The following TRIM41 variants were observed in gnomAD, a reference collection of about 807,000 sequenced individuals.
The protein encoded by TRIM41 is tripartite motif containing 41, also known as E3 ubiquitin-protein ligase TRIM41.
In TRIM41, 21 loss-of-function variants were observed where a neutral mutation model predicts 60.6. The ratio of observed to expected loss-of-function variants is 0.35; its 90% CI spans 0.25 to 0.50. TRIM41 has a LOEUF of 0.50. TRIM41 is among the 20% of genes least tolerant of loss of function. The pLI is 0.98. For synonymous variants in TRIM41, 407 were observed against 344.9 expected, an observed-to-expected ratio of 1.18 and a Z score of -2.00; for missense variants, 846 against 868.3, an observed-to-expected ratio of 0.97 and a Z score of 0.32.
chr5:181,223,837 G>GTC lies in TRIM41; in HGVS notation c.-162_-161insCT. ...TTGTCGTTTGGGAGTAGGGAACACT[G>GTC]TGTTGGGGTGGGTTGTCGGCAGGAC... On this transcript the variant is annotated 5_prime_UTR_variant, in exon 1 of 6. Coordinates refer to ENST00000315073, the MANE Select transcript of TRIM41 (RefSeq NM_033549.5). 1.4e-6 allele frequency: 1 copy of GTC among 691,362 alleles called. No individual in the cohort carries two copies. Among genetic ancestry groups the GTC allele is most frequent in the Admixed American group, 2.9e-5 (1 of 34,880 alleles). 42.8% of individuals were successfully genotyped at this position (691,362 alleles called of 1,614,324 possible).
In TRIM41 at chr5:181,234,051, T is replaced by C. The variant is rs1758932194; in HGVS notation, c.1292-123T>C. 2.0e-6 allele frequency: 3 copies of C among 1,514,356 alleles called. No homozygotes were observed. The highest frequency in any genetic ancestry group is 2.3e-5 in the South Asian group (2 of 87,150). 93.8% of individuals were successfully genotyped at this position (1,514,356 alleles called of 1,614,324 possible). On this transcript the variant is annotated intron_variant, in intron 5 of 5. Transcript: ENST00000315073. The surrounding 1 kb of genome is among the most constrained non-coding windows in gnomAD (Gnocchi z 5.6). ...AGATGAGCCTGCAGGAATCTGAGGC[T>C]GGCCTCTGGGATGGTGTGGGGAGCT...
At chr5:181,232,365 G>GGAA (rs992056694) in intron 2 of TRIM41, 2 of 394,782 alleles carry the variant, frequency 5.1e-6, no homozygotes, top group African/African-American at 4.2e-5. Flanking sequence ...TGGAGAGGAG[G>GGAA]GAAGGCTTGT....
chr5:181,235,214 T>C lies in TRIM41; in HGVS notation c.*439T>C. On this transcript the variant is annotated 3_prime_UTR_variant, in exon 6 of 6. Coordinates refer to ENST00000315073, the MANE Select transcript of TRIM41 (RefSeq NM_033549.5). ...TCCCCATTCCAATTCCATTTTCTGATGCAGATTTTAGCTGAGGGATTTGGA... is the reference window on the plus strand; with the variant it reads ...TCCCCATTCCAATTCCATTTTCTGACGCAGATTTTAGCTGAGGGATTTGGA... 1 of 1,563,700 alleles carries C rather than the reference T, an allele frequency of 6.4e-7. No homozygotes were observed. The highest frequency in any genetic ancestry group is 8.7e-7 in the Non-Finnish European group (1 of 1,151,160).
At position 181,224,637 on chromosome 5, in the gene TRIM41, C is replaced by G. The variant is rs1010037736; in HGVS notation, c.638C>G (p.Pro213Arg). ...NMVQVIRQMH[P>R]TPGRGSRVTD... ...GTCCAGGTGATTCGGCAGATGCACC[C>G]AACCCCTGGTCGAGGGAGCCGCGTG... Residue 213 changes from proline (P) to arginine (R), a missense_variant, in exon 1 of 6, where the codon CCA becomes CGA. Physicochemically the swap from Pro to Arg is moderately radical, Grantham distance 103 (BLOSUM62 -2). Coordinates refer to ENST00000315073, the MANE Select transcript of TRIM41 (RefSeq NM_033549.5). The G allele has an allele frequency of 1.5e-5, 24 of 1,614,132 alleles. No individual in the cohort carries two copies. The Admixed American group carries it at 2.5e-4, about 17-fold the overall frequency.
chr5:181,234,313 G>A lies in TRIM41; in HGVS notation c.1431G>A (p.Gly477=). 1 of 1,612,268 alleles carries A rather than the reference G, an allele frequency of 6.2e-7. No homozygotes were observed. The highest frequency in any genetic ancestry group is 1.7e-4 in the Middle Eastern group (1 of 5,998). ...TCTCGGCCGACTGCTGCGTACTGGG[G>A]GCCCAGGGCTTCCGCTCCGGCCGGC... The part of the protein sequence containing the change: ...KRFSADCCVL[G]AQGFRSGRHY... Residue 477 remains glycine (G), a synonymous_variant, in exon 6 of 6, where the codon GGG becomes GGA. Coordinates refer to ENST00000315073, the MANE Select transcript of TRIM41 (RefSeq NM_033549.5). This position sits in a 1 kb window ranked among gnomAD's most constrained non-coding sequence, Gnocchi z 5.6.
At position 181,233,422 on chromosome 5, in the gene TRIM41, G is replaced by A. The variant is rs895931356; in HGVS notation, c.1150G>A (p.Glu384Lys). The change falls in exon 4 of 6, where the codon GAG becomes AAG. Residue 384 changes from glutamate to lysine, a missense_variant. Glu to Lys is a moderately conservative substitution (Grantham distance 56, BLOSUM62 1). Coordinates refer to ENST00000315073, the MANE Select transcript of TRIM41 (RefSeq NM_033549.5). This position sits in a 1 kb window ranked among gnomAD's most constrained non-coding sequence, Gnocchi z 4.1. The stretch of plus-strand genomic sequence containing the variant: ...TTTCTCTTATTCCCAGGACATCAAG[G>A]AGACTTTCAATAGGTGTGTTCCCAG... The part of the protein sequence containing the change: ...GGLRLLQDIK[E>K]TFNRCEEVQL... 5.0e-6 allele frequency: 8 copies of A among 1,613,902 alleles called. No homozygotes were observed. The South Asian group carries it at 6.6e-5, about 13-fold the overall frequency.
chr5:181,230,888 G>C (rs1221566792), intron 2 of TRIM41, 49 bp downstream of exon 2: 2 of 1,546,206 alleles, frequency 1.3e-6, no homozygotes, highest in Non-Finnish European at 1.8e-6. Context: ...GTCGAGGCAA[G>C]GAAGGTAGGG....
chr5:181,227,686 C>G (rs1053647210), intron 1 of TRIM41: 16 of 152,122 alleles, frequency 1.1e-4, no homozygotes, highest in African/African-American at 3.9e-4. Flanking sequence ...TATGTACATG[C>G]AGTAACCAGT....
Position 181,233,139 on chromosome 5 carries a change from T to C in TRIM41, c.1140+250T>C. The C allele has an allele frequency of 2.8e-6, 2 of 713,840 alleles. No individual in the cohort carries two copies. The highest frequency in any genetic ancestry group is 5.1e-6 in the Non-Finnish European group (2 of 394,844). 44.2% of individuals were successfully genotyped at this position (713,840 alleles called of 1,614,324 possible). On this transcript the variant is annotated intron_variant, in intron 3 of 5. Transcript: ENST00000315073. This position sits in a 1 kb window ranked among gnomAD's most constrained non-coding sequence, Gnocchi z 4.1. ...AGGTTTAAATGACAGTTGAGGAAAG[T>C]CTTTTTGACAGTGACATCCTGAAAA...
chr5:181,235,421 T>C lies in TRIM41; in HGVS notation c.*646T>C, dbSNP rs1051135970. On this transcript the variant is annotated 3_prime_UTR_variant, in exon 6 of 6. Transcript: ENST00000315073. ...TCGCCATGATTGAAACCACGCACCA[T>C]TACATCATCATTACATTAATTACAT... is the stretch of plus-strand genomic sequence containing the variant. 2 of 1,613,846 alleles carry C rather than the reference T, an allele frequency of 1.2e-6. No individual in the cohort carries two copies. The highest frequency in any genetic ancestry group is 2.7e-5 in the African/African-American group (2 of 74,938).
chr5:181,233,670 T>C lies in TRIM41; in HGVS notation c.1198T>C (p.Trp400Arg), dbSNP rs771554653. Residue 400 changes from tryptophan (W) to arginine (R), a missense_variant, in exon 5 of 6, where the codon TGG becomes CGG. Coordinates refer to ENST00000315073, the MANE Select transcript of TRIM41 (RefSeq NM_033549.5). This position sits in a 1 kb window ranked among gnomAD's most constrained non-coding sequence, Gnocchi z 4.1. ...GGTACAGCTGCAGCCCCCAGAGGTC[T>C]GGTCCCCTGACCCGTGCCAACCCCA... ...EEVQLQPPEV[W>R]SPDPCQPHSH... 1.2e-6 allele frequency: 2 copies of C among 1,614,210 alleles called. No homozygotes were observed. The highest frequency in any genetic ancestry group is 1.7e-6 in the Non-Finnish European group (2 of 1,180,030).
chr5:181,226,477 C>G (rs1758558211), intron 1 of TRIM41: 1 of 152,180 alleles, frequency 6.6e-6, no homozygotes, highest in East Asian at 1.9e-4. Flanking sequence ...GTGGATCCTA[C>G]CACTAGAGTT....
In TRIM41 at chr5:181,225,172, A is replaced by G. The variant is rs144113576; in HGVS notation, c.813+360A>G. On this transcript the variant is annotated intron_variant, in intron 1 of 5. Transcript: ENST00000315073. Reference sequence around the variant, plus strand: ...GAGATGGAAAGAACTGGGGGCTTCAAAGGACAAGAAAAGGCTCAGAAGCAG... The same window carrying G: ...GAGATGGAAAGAACTGGGGGCTTCAGAGGACAAGAAAAGGCTCAGAAGCAG... The G allele has an allele frequency of 7.3e-4, 221 of 303,712 alleles. 4 individuals are homozygous for G. In the East Asian group the frequency reaches 0.015, roughly 20 times the overall value. 18.8% of individuals were successfully genotyped at this position (303,712 alleles called of 1,614,324 possible). A position where few individuals can be genotyped will look rare whatever the true frequency, so the allele number is the denominator to read the frequency against.
rs186807739 is a variant in TRIM41 at position 181,234,875 on chromosome 5, T to C, written c.*100T>C. On this transcript the variant is annotated 3_prime_UTR_variant, in exon 6 of 6. Coordinates refer to ENST00000315073, the MANE Select transcript of TRIM41 (RefSeq NM_033549.5). This position sits in a 1 kb window ranked among gnomAD's most constrained non-coding sequence, Gnocchi z 5.6. ...GGGCTCAAAGGCTCTTCCCACTGCTTGTTACTGTGTTGCTTCCCACTCCCC... is the reference window on the plus strand; with the variant it reads ...GGGCTCAAAGGCTCTTCCCACTGCTCGTTACTGTGTTGCTTCCCACTCCCC... The C allele has an allele frequency of 8.9e-4, 1,436 of 1,611,586 alleles. 1 individual carries two copies. Among genetic ancestry groups the C allele is most frequent in the Non-Finnish European group, 1.1e-3 (1,349 of 1,179,704 alleles).
chr5:181,224,515 C>T lies in TRIM41; in HGVS notation c.516C>T (p.Pro172=), dbSNP rs74365536. The change falls in exon 1 of 6, where the codon CCC becomes CCT. Residue 172 remains proline, a synonymous_variant. Coordinates refer to ENST00000315073, the MANE Select transcript of TRIM41 (RefSeq NM_033549.5). ...EEDLDPVTPL[P]PPPAPRRCFT... is the part of the protein sequence containing the mutation. ...ATCTAGACCCCGTCACCCCACTGCC[C>T]CCGCCTCCAGCCCCTCGGAGGTGCT... 2.4e-3 allele frequency: 3,884 copies of T among 1,611,982 alleles called. 88 individuals are homozygous for T. In the African/African-American group the frequency reaches 0.047, roughly 20 times the overall value.
rs757625290 is a variant in TRIM41 at position 181,232,800 on chromosome 5, A to G, written c.1051A>G (p.Ser351Gly). 4.6e-5 allele frequency: 73 copies of G among 1,602,598 alleles called. No individual in the cohort carries two copies. The African/African-American group carries it at 8.8e-4, about 19-fold the overall frequency. The change falls in exon 3 of 6, where the codon AGT (serine) becomes GGT (glycine). Residue 351 changes from serine (S) to glycine (G), a missense_variant. Coordinates refer to ENST00000315073, the MANE Select transcript of TRIM41 (RefSeq NM_033549.5). ...GCTGGGGCGTGCGGGAGCCGCGGCT[A>G]GTCGCCTTGCAGAACAGGCCGCCCA... ...AQLGRAGAAA[S>G]RLAEQAAQLS...
rs1394030242 is a variant in TRIM41 at position 181,223,901 on chromosome 5, A to G, written c.-99A>G. On this transcript the variant is annotated 5_prime_UTR_variant, in exon 1 of 6. Coordinates refer to ENST00000315073, the MANE Select transcript of TRIM41 (RefSeq NM_033549.5). ...CTCTTGGGGCGAGGTGTGGAGGGGC[A>G]GGGCTGGGGGTGGAGCCGGGTCGCC... 7 of 1,276,812 alleles carry G rather than the reference A, an allele frequency of 5.5e-6. No homozygotes were observed. In the Admixed American group the frequency reaches 1.1e-4, roughly 20 times the overall value. The allele number at this position is 1,276,812 out of a possible 1,614,324, so 79.1% of individuals were successfully genotyped here.
chr5:181,234,814 G>T lies in TRIM41; in HGVS notation c.*39G>T, dbSNP rs760743650. On this transcript the variant is annotated 3_prime_UTR_variant, in exon 6 of 6. Coordinates refer to ENST00000315073, the MANE Select transcript of TRIM41 (RefSeq NM_033549.5). This position sits in a 1 kb window ranked among gnomAD's most constrained non-coding sequence, Gnocchi z 5.6. ...CGCAGGGGCCCCTCTGTCAGCACTT[G>T]GGGGGTGGGTGGTGGAGGGTGGCCC... 159 of 1,605,470 alleles carry T rather than the reference G, an allele frequency of 9.9e-5. No individual in the cohort carries two copies. The highest frequency in any genetic ancestry group is 1.3e-4 in the Non-Finnish European group (152 of 1,175,714).
At position 181,223,935 on chromosome 5, in the gene TRIM41, G is replaced by A. The variant is rs1758410897; in HGVS notation, c.-65G>A. ...GGTGGAGCCGGGTCGCCAGGGCGTC[G>A]GTAGGGAAGACCCCCGCCCCTCGCC... is the stretch of plus-strand genomic sequence containing the variant. On this transcript the variant is annotated 5_prime_UTR_variant, in exon 1 of 6. Transcript: ENST00000315073. 3.3e-6 allele frequency: 5 copies of A among 1,521,352 alleles called. No homozygotes were observed. The South Asian group carries it at 5.0e-5, about 15-fold the overall frequency. The allele number at this position is 1,521,352 out of a possible 1,614,324, so 94.2% of individuals were successfully genotyped here. A position where few individuals can be genotyped will look rare whatever the true frequency, so the allele number is the denominator to read the frequency against.
Sources: gnomAD v4.1 joint callset for allele counts on GRCh38, gnomAD v4.1.1 for gene constraint, Gnocchi (gnomAD v3.1) non-coding constraint, MANE v1.5 for transcripts, NCBI Gene and HGNC (gene_info 2026-07-23, HGNC 2026-07-21) for gene names.